Variants in RNF175 observed in about 807,000 individuals in gnomAD.
RNF175 encodes the protein ring finger protein 175.
In RNF175, 38 loss-of-function variants were observed where a neutral mutation model predicts 50.0. That is an observed-to-expected ratio of 0.76 (90% CI 0.59 to 1.00). The LOEUF (loss-of-function observed/expected upper bound fraction) is 1.00, where lower values mean the gene tolerates loss of function less well. Among genes scored for constraint, RNF175 ranks in the 50% least tolerant of loss-of-function variants. RNF175 has a pLI of 0.00. For missense variants in RNF175, 388 were observed against 409.6 expected (o/e 0.95, Z 0.46); for synonymous variants, 155 against 146.1 (o/e 1.06, Z -0.44).
chr4:153,744,377 G>A (rs1273665666), intron 3 of RNF175, among the ~76,000 whole-genome samples: 9 of 152,014 alleles, frequency 5.9e-5, no homozygotes, highest in African/African-American at 1.7e-4. Flanking sequence ...AGCCGAGATC[G>A]CGCCATTGCA....
At chr4:153,753,910 C>T (rs1229089187) in intron 1 of RNF175, among the ~76,000 whole-genome samples, 1 of 151,514 alleles carries the variant, frequency 6.6e-6, no homozygotes, top group Non-Finnish European at 1.5e-5. Flanking sequence ...GTGGCTCACA[C>T]CTGTAATCCC....
intron 7 of RNF175, 59 bp from the exon 8 acceptor site, chr4:153,712,635 G>T: frequency 1.8e-6 from 2 of 1,084,052 alleles, no homozygotes; most frequent in Non-Finnish European, 2.8e-6. Flanking sequence ...GGTTCATGAT[G>T]GCATGGAATG....
chr4:153,712,610 G>T, intron 7 of RNF175, 34 bp from the exon 8 acceptor site: 1 of 1,387,330 alleles, frequency 7.2e-7, no homozygotes, highest in African/African-American at 1.4e-5. Flanking sequence ...TTCTAGATAT[G>T]AAAAGGCAAT....
At position 153,751,442 on chromosome 4, in the gene RNF175, A is replaced by G. The variant is rs554858143; in HGVS notation, c.100T>C (p.Trp34Arg). 3.9e-6 allele frequency: 6 copies of G among 1,550,696 alleles called. No homozygotes were observed. The highest frequency in any genetic ancestry group is 5.2e-6 in the Non-Finnish European group (6 of 1,145,196). The change falls in exon 2 of 9, where the codon TGG becomes CGG. Residue 34 changes from tryptophan (W) to arginine (R), a missense_variant. By Grantham distance (101) the Trp-to-Arg change is moderately radical. Coordinates refer to ENST00000347063, the MANE Select transcript of RNF175 (RefSeq NM_173662.4). The part of the protein sequence containing the change: ...SHTKLSAEDT[W>R]NLQQERMYKM... ...TAAAAAATACTAATTACTTACTTCC[A>G]TGTGTCTTCTGCAGAAAGCTTTGTA...
At chr4:153,742,666 C>A (rs1247700276) in intron 3 of RNF175, among the ~76,000 whole-genome samples, 2 of 151,892 alleles carry the variant, frequency 1.3e-5, no homozygotes, top group East Asian at 3.8e-4. Context: ...AGTTATATGC[C>A]CTTGGCCAAG....
chr4:153,712,391 A>G, intron 8 of RNF175, 84 bp downstream of exon 8: 1 of 952,262 alleles, frequency 1.1e-6, no homozygotes, highest in Non-Finnish European at 1.6e-6. Flanking sequence ...GAACTATACA[A>G]AAACACTGAA....
At chr4:153,711,590 G>C (rs1030363177) in intron 8 of RNF175, among the ~76,000 whole-genome samples, 14 of 152,214 alleles carry the variant, frequency 9.2e-5, no homozygotes, top group African/African-American at 3.4e-4. Flanking sequence ...GTAAAATTTA[G>C]CTATTACTTA....
chr4:153,723,316 T>C (rs1034980835), intron 5 of RNF175, 35 bp downstream of exon 5: 3 of 1,049,516 alleles, frequency 2.9e-6, no homozygotes, highest in Non-Finnish European at 4.4e-6. Flanking sequence ...AAGCAAGTGC[T>C]TGGAGATATT....
At chr4:153,729,567 G>T in intron 3 of RNF175, 1 of 560,506 alleles carries the variant, frequency 1.8e-6, no homozygotes, top group Non-Finnish European at 2.3e-6. Flanking sequence ...ATAGTCTAAG[G>T]TCAATAACCA....
At chr4:153,732,353 T>A (rs1416768894) in intron 3 of RNF175, among the ~76,000 whole-genome samples, 1 of 152,136 alleles carries the variant, frequency 6.6e-6, no homozygotes, top group East Asian at 1.9e-4. Flanking sequence ...AATCTCCACA[T>A]CAATCTAGAT....
At position 153,745,965 on chromosome 4, in the gene RNF175, C is replaced by T. The variant is rs143146322; in HGVS notation, c.246+2680G>A. Among the ~76,000 whole-genome samples the T allele has an allele frequency of 1.8e-4, 28 of 152,322 alleles. No homozygotes were observed. The East Asian group carries it at 5.2e-3, about 28-fold the overall frequency. ...CAAACCACAGCATTCTGCTCTGGCTCCAAATTCATGTTTTTCTCACACATA... is the reference window on the plus strand; with the variant it reads ...CAAACCACAGCATTCTGCTCTGGCTTCAAATTCATGTTTTTCTCACACATA... On this transcript the variant is annotated intron_variant, in intron 3 of 8. Coordinates refer to ENST00000347063, the MANE Select transcript of RNF175 (RefSeq NM_173662.4).
intron 6 of RNF175, among the ~76,000 whole-genome samples, chr4:153,717,948 C>T (rs1307079083): frequency 1.3e-5 from 2 of 152,090 alleles, no homozygotes; most frequent in African/African-American, 2.4e-5. Flanking sequence ...TGTTATATAT[C>T]CACCGTTATC....
chr4:153,748,147 G>T (rs909840571), intron 3 of RNF175, among the ~76,000 whole-genome samples: 1 of 152,144 alleles, frequency 6.6e-6, no homozygotes, highest in Non-Finnish European at 1.5e-5. Context: ...TGTTGCATTG[G>T]GGATTAAATC....
Position 153,748,664 on chromosome 4 carries a change from C to A in RNF175, c.227G>T (p.Arg76Met). 2.5e-6 allele frequency: 4 copies of A among 1,598,480 alleles called. No homozygotes were observed. The South Asian group carries it at 3.4e-5, about 14-fold the overall frequency. Residue 76 changes from arginine to methionine, a missense_variant, in exon 3 of 9, where the codon AGG (arginine) becomes ATG (methionine). Coordinates refer to ENST00000347063, the MANE Select transcript of RNF175 (RefSeq NM_173662.4). ...ACTCACATTGTAGGATCGGCCATGC[C>A]TCTGTCTCCACTGAACCAGCACTAT... ...AQIVLVQWRQ[R>M]HGRSYNLVTL...
intron 1 of RNF175, among the ~76,000 whole-genome samples, chr4:153,757,750 G>C (rs1740632942): frequency 6.6e-6 from 1 of 151,762 alleles, no homozygotes; most frequent in Admixed American, 6.6e-5. Context: ...CTAAACCCAT[G>C]GTCTCTGCTC....
In RNF175 at chr4:153,710,393, A is replaced by T; in HGVS notation, c.963T>A (p.Ile321=). 1.9e-6 allele frequency: 3 copies of T among 1,560,390 alleles called. No individual in the cohort carries two copies. The highest frequency in any genetic ancestry group is 2.6e-6 in the Non-Finnish European group (3 of 1,150,068). ...CCTATTCCAGCCCTAGTGAATAGAT[A>T]ATGCCTTGAACTATTCCTATCACCA... ...QPVVIGIVQG[I]IYSLGLE Residue 321 remains isoleucine (I), a synonymous_variant, in exon 9 of 9, where the codon ATT becomes ATA. Transcript: ENST00000347063.
intron 1 of RNF175, among the ~76,000 whole-genome samples, chr4:153,755,552 A>G (rs757794060): frequency 8.8e-5 from 13 of 147,504 alleles, no homozygotes; most frequent in Admixed American, 2.1e-4. Context: ...TCGAAGATAA[A>G]TTGAAGAACT....
intron 3 of RNF175, 98 bp downstream of exon 3, chr4:153,748,547 C>T: frequency 1.8e-6 from 2 of 1,131,112 alleles, no homozygotes; most frequent in Non-Finnish European, 1.2e-6. Flanking sequence ...CAAGGCAGTT[C>T]CTTCAAAGTG....
chr4:153,727,910 A>T (rs1326152660), intron 4 of RNF175, among the ~76,000 whole-genome samples: 1 of 152,250 alleles, frequency 6.6e-6, no homozygotes, highest in Non-Finnish European at 1.5e-5. Context: ...AGGTAAAAAT[A>T]AACTTGCAAA....
Sources: allele counts gnomAD v4.1 joint callset (sites outside exome capture counted in the v4.1 genomes callset), GRCh38; gene constraint gnomAD v4.1.1; transcripts MANE v1.5; gene names NCBI Gene and HGNC (gene_info 2026-07-23, HGNC 2026-07-21).